SNTG1: variants seen among roughly 807,000 people sequenced by gnomAD.
SNTG1 encodes the protein syntrophin gamma 1, also known as gamma-1-syntrophin.
A neutral mutation model predicts 74.7 loss-of-function variants in SNTG1; 39 were observed. That is an observed-to-expected ratio of 0.52 (90% CI 0.40 to 0.68). SNTG1 has a LOEUF of 0.68. SNTG1 is among the 30% of genes least tolerant of loss of function. SNTG1 has a pLI of 0.00. For synonymous variants in SNTG1, 254 were observed against 217.1 expected (o/e 1.17, Z -1.49); for missense variants, 685 against 609.5 (o/e 1.12, Z -1.30).
intron 5 of SNTG1, among the ~76,000 whole-genome samples, chr8:50,445,338 AG>A (rs2093396801): frequency 6.6e-6 from 1 of 152,196 alleles, no homozygotes; most frequent in East Asian, 1.9e-4. Flanking sequence ...AAGGAAAAAT[AG>A]TGGTTAGCTC....
chr8:50,762,694 A>T (rs2095602453), intron 18 of SNTG1: 1 of 481,724 alleles, frequency 2.1e-6, no homozygotes, highest in Non-Finnish European at 4.2e-6. Context: ...ACCCGAAGAG[A>T]CCATGGAGAT....
At chr8:50,060,303 C>T (rs768966632) in intron 1 of SNTG1, among the ~76,000 whole-genome samples, 2 of 152,000 alleles carry the variant, frequency 1.3e-5, no homozygotes, top group African/African-American at 2.4e-5. Flanking sequence ...ATTTTTTTCT[C>T]ATTCTATGGC....
At chr8:50,567,568 A>G (rs2094523105) in intron 12 of SNTG1, among the ~76,000 whole-genome samples, 1 of 152,128 alleles carries the variant, frequency 6.6e-6, no homozygotes, top group Admixed American at 6.6e-5. Flanking sequence ...GAGAAACTCT[A>G]TGTATCGGTG....
intron 13 of SNTG1, among the ~76,000 whole-genome samples, chr8:50,620,152 A>T (rs897091210): frequency 6.6e-6 from 1 of 152,028 alleles, no homozygotes; most frequent in Non-Finnish European, 1.5e-5. Flanking sequence ...CTTGTGGTTG[A>T]CGATCTGAGG....
intron 2 of SNTG1, among the ~76,000 whole-genome samples, chr8:50,279,465 A>G (rs1223319478): frequency 6.6e-6 from 1 of 152,192 alleles, no homozygotes; most frequent in East Asian, 1.9e-4. Context: ...AATAAGTAGA[A>G]CAAAGTTTTT....
chr8:50,206,327 G>C (rs1052516988), intron 2 of SNTG1, among the ~76,000 whole-genome samples: 2 of 152,066 alleles, frequency 1.3e-5, no homozygotes, highest in African/African-American at 4.8e-5. Context: ...TCTCTTTGAA[G>C]CAATTGTGAA....
intron 16 of SNTG1, among the ~76,000 whole-genome samples, chr8:50,706,599 T>G (rs1273874382): frequency 1.3e-5 from 2 of 152,148 alleles, no homozygotes; most frequent in Non-Finnish European, 2.9e-5. Context: ...CATTGGCCTA[T>G]TTCCTTACCC....
intron 2 of SNTG1, among the ~76,000 whole-genome samples, chr8:50,363,439 T>C (rs1032676680): frequency 1.3e-5 from 2 of 152,140 alleles, no homozygotes; most frequent in African/African-American, 4.8e-5. Context: ...CTGCTGGTCA[T>C]TGCAATCAGG....
At chr8:50,527,603 A>AT (rs914827713) in intron 9 of SNTG1, among the ~76,000 whole-genome samples, 5 of 151,916 alleles carry the variant, frequency 3.3e-5, no homozygotes, top group Non-Finnish European at 5.9e-5. Flanking sequence ...TTACATGTCT[A>AT]TTTTTTTAAA....
At chr8:50,445,188 C>T (rs74657728) in intron 5 of SNTG1, among the ~76,000 whole-genome samples, 1,669 of 152,260 alleles carry the variant, frequency 0.011, 22 homozygotes, top group African/African-American at 0.025. Flanking sequence ...TGGCAGGTAA[C>T]GATAGCATCC....
At chr8:50,438,688 G>A in intron 5 of SNTG1, 89 bp downstream of exon 5, 4 of 1,106,084 alleles carry the variant, frequency 3.6e-6, no homozygotes, top group Non-Finnish European at 5.4e-6. Context: ...TTAATAATTA[G>A]ACAAGGATGG....
chr8:50,104,859 C>T (rs571893868), intron 1 of SNTG1, among the ~76,000 whole-genome samples: 9 of 151,924 alleles, frequency 5.9e-5, no homozygotes, highest in Admixed American at 2.0e-4. Context: ...TCTGTTCATG[C>T]CCTCTGTCCA....
intron 1 of SNTG1, among the ~76,000 whole-genome samples, chr8:49,963,388 A>C (rs991623071): frequency 1.1e-4 from 17 of 152,126 alleles, no homozygotes; most frequent in Non-Finnish European, 2.1e-4. Context: ...GTTTTGGTTT[A>C]TGTCTTGGGC....
intron 1 of SNTG1, among the ~76,000 whole-genome samples, chr8:50,082,458 T>C (rs549046168): frequency 1.3e-4 from 20 of 152,202 alleles, no homozygotes; most frequent in Non-Finnish European, 2.9e-4. Context: ...TTGTGAAGTC[T>C]TTCTTCCTGA....
chr8:50,280,995 A>G (rs2088416128), intron 2 of SNTG1, among the ~76,000 whole-genome samples: 2 of 151,488 alleles, frequency 1.3e-5, no homozygotes, highest in Admixed American at 6.6e-5. Flanking sequence ...CAAAAAAAAA[A>G]AAAAAAAAAA....
At chr8:50,698,125 ATGT>A (rs1458319794) in intron 15 of SNTG1, among the ~76,000 whole-genome samples, 1 of 152,022 alleles carries the variant, frequency 6.6e-6, no homozygotes, top group African/African-American at 2.4e-5. Flanking sequence ...TTTAAATCCA[ATGT>A]TGTTATTTCT....
chr8:50,020,055 G>C (rs896888140), intron 1 of SNTG1, among the ~76,000 whole-genome samples: 1 of 152,076 alleles, frequency 6.6e-6, no homozygotes, highest in Non-Finnish European at 1.5e-5. Flanking sequence ...AACTAATTGA[G>C]CCTTTTGTGC....
At chr8:50,041,225 T>A (rs1193691580) in intron 1 of SNTG1, among the ~76,000 whole-genome samples, 1 of 152,100 alleles carries the variant, frequency 6.6e-6, no homozygotes, top group Non-Finnish European at 1.5e-5. Context: ...AATAAAATAG[T>A]ATTATTGAGT....
chr8:50,444,412 C>T (rs1466055432), intron 5 of SNTG1, among the ~76,000 whole-genome samples: 1 of 152,116 alleles, frequency 6.6e-6, no homozygotes, highest in Non-Finnish European at 1.5e-5. Flanking sequence ...GTCTGATTCA[C>T]TTGTTTTCAC....
Sources: allele counts gnomAD v4.1 joint callset (sites outside exome capture counted in the v4.1 genomes callset), GRCh38; gene constraint gnomAD v4.1.1; transcripts MANE v1.5; gene names NCBI Gene and HGNC (gene_info 2026-07-23, HGNC 2026-07-21).